Variants in DENND1B observed in about 807,000 individuals in gnomAD.
DENND1B encodes the protein DENN domain containing 1B.
Under a neutral mutation model 90.1 loss-of-function variants are expected in DENND1B, and 59 were observed. The observed-to-expected ratio is 0.65, with a 90% CI of 0.53 to 0.81. The LOEUF is 0.81. Among genes scored for constraint, DENND1B ranks in the 40% least tolerant of loss-of-function variants. The pLI, the probability that DENND1B is intolerant of heterozygous loss-of-function variation, is 0.00. For synonymous variants in DENND1B, 337 were observed against 324.6 expected (o/e 1.04, Z -0.41); for missense variants, 862 against 912.6 (o/e 0.94, Z 0.71).
chr1:197,521,598 G>A (rs1177096681), intron 20 of DENND1B, among the ~76,000 whole-genome samples: 1 of 151,796 alleles, frequency 6.6e-6, no homozygotes, highest in African/African-American at 2.4e-5. Context: ...CCAAGCTTAT[G>A]TATTTTGCAG....
At chr1:197,674,049 A>G in intron 4 of DENND1B, 71 bp downstream of exon 4, 1 of 1,068,216 alleles carries the variant, frequency 9.4e-7, no homozygotes, top group Non-Finnish European at 1.4e-6. Flanking sequence ...TTTATAAAAA[A>G]GCACATGTAA....
chr1:197,593,147 T>C (rs1208021394), intron 14 of DENND1B, among the ~76,000 whole-genome samples: 3 of 151,870 alleles, frequency 2.0e-5, no homozygotes, highest in Non-Finnish European at 4.4e-5. Context: ...TTTAATAAAT[T>C]ATGATACAAG....
chr1:197,724,363 T>C (rs189627963), intron 2 of DENND1B, among the ~76,000 whole-genome samples: 17 of 152,254 alleles, frequency 1.1e-4, no homozygotes, highest in Non-Finnish European at 2.2e-4. Context: ...ACAATAAAAG[T>C]AAATGTAGAA....
At chr1:197,639,951 G>A (rs972152723) in intron 10 of DENND1B, among the ~76,000 whole-genome samples, 5 of 152,012 alleles carry the variant, frequency 3.3e-5, no homozygotes, top group Non-Finnish European at 4.4e-5. Flanking sequence ...TCAGCCCAAC[G>A]GTCCCAGAGA....
intron 20 of DENND1B, among the ~76,000 whole-genome samples, chr1:197,519,784 C>T (rs1668644569): frequency 6.6e-6 from 1 of 151,780 alleles, no homozygotes; most frequent in South Asian, 2.1e-4. Context: ...GTGGGACAAT[C>T]AGGGCAAATA....
In DENND1B at chr1:197,572,173, C is replaced by T. The variant is rs372696619; in HGVS notation, c.1149+10979G>A. ...TTTCCCTTTCCTAGCCAAGGGAAAT[C>T]GTGACAGACTGTACCTGGAAAAACG... On this transcript the variant is annotated intron_variant, in intron 15 of 22. Transcript: ENST00000620048. Among the ~76,000 whole-genome samples the T allele has an allele frequency of 5.3e-5, 8 of 152,174 alleles. No individual in the cohort carries two copies. The East Asian group carries it at 9.7e-4, about 18-fold the overall frequency.
intron 3 of DENND1B, among the ~76,000 whole-genome samples, chr1:197,692,839 C>A (rs975442547): frequency 6.6e-6 from 1 of 151,712 alleles, no homozygotes; most frequent in East Asian, 1.9e-4. Flanking sequence ...AGATTCTTTT[C>A]TTTCCCTAAA....
intron 2 of DENND1B, among the ~76,000 whole-genome samples, chr1:197,733,420 C>T (rs1322012631): frequency 2.0e-5 from 3 of 152,162 alleles, no homozygotes; most frequent in Non-Finnish European, 4.4e-5. Flanking sequence ...AACACTTTTT[C>T]CCCCTTACCA....
At chr1:197,738,531 G>A (rs996735099) in intron 2 of DENND1B, among the ~76,000 whole-genome samples, 1 of 152,158 alleles carries the variant, frequency 6.6e-6, no homozygotes, top group Non-Finnish European at 1.5e-5. Flanking sequence ...AACACAACAT[G>A]GAAGATGCTG....
Position 197,507,468 on chromosome 1 carries a change from T to A in DENND1B, c.*2992A>T, listed in dbSNP as rs1472984473. The stretch of plus-strand genomic sequence containing the variant: ...TTCACTTAAAAAAATAGCTCCTAAA[T>A]TCCAATATTATTTCTCTATACCCCT... On this transcript the variant is annotated 3_prime_UTR_variant, in exon 23 of 23. Coordinates refer to ENST00000620048, the MANE Select transcript of DENND1B (RefSeq NM_001195215.2). The A allele has an allele frequency of 2.6e-5, 4 of 151,370 alleles. No individual in the cohort carries two copies. The highest frequency in any genetic ancestry group is 9.7e-5 in the African/African-American group (4 of 41,322). 9.4% of individuals were successfully genotyped at this position (151,370 alleles called of 1,614,324 possible).
chr1:197,555,788 C>A (rs113551227), intron 15 of DENND1B, among the ~76,000 whole-genome samples: 267 of 152,196 alleles, frequency 1.8e-3, no homozygotes, highest in Non-Finnish European at 2.8e-3. Context: ...CTGTGAAAAG[C>A]AGCTTGGACA....
chr1:197,709,879 G>A (rs551084655), intron 3 of DENND1B, among the ~76,000 whole-genome samples: 59 of 140,050 alleles, frequency 4.2e-4, no homozygotes, highest in African/African-American at 1.5e-3. Context: ...AAAGGATGGC[G>A]GAAGATCTAC....
At position 197,625,899 on chromosome 1, in the gene DENND1B, C is replaced by T. The variant is rs139690787; in HGVS notation, c.673-8140G>A. Among the ~76,000 whole-genome samples the T allele has an allele frequency of 5.7e-3, 864 of 152,142 alleles. 11 individuals are homozygous for T. The highest frequency in any genetic ancestry group is 0.019 in the African/African-American group (808 of 41,508). ...AGTCTCTGATAAAACATACTTTAAA[C>T]CAACAGAGATCAAAAGAGACAAAGA... On this transcript the variant is annotated intron_variant, in intron 10 of 22. Transcript: ENST00000620048.
Position 197,506,641 on chromosome 1 carries a change from T to C in DENND1B, c.*3819A>G, listed in dbSNP as rs1667744062. 1.3e-5 allele frequency: 2 copies of C among 151,524 alleles called. No individual in the cohort carries two copies. The highest frequency in any genetic ancestry group is 2.4e-5 in the African/African-American group (1 of 41,386). The allele number at this position is 151,524 out of a possible 1,614,324, so 9.4% of individuals were successfully genotyped here. A position where few individuals can be genotyped will look rare whatever the true frequency, so the allele number is the denominator to read the frequency against. ...CTCCTCTTGATCAGGAGTCTACTTG[T>C]TCACCTTAATTAAGAAACAATTCAT... On this transcript the variant is annotated 3_prime_UTR_variant, in exon 23 of 23. Coordinates refer to ENST00000620048, the MANE Select transcript of DENND1B (RefSeq NM_001195215.2).
intron 15 of DENND1B, among the ~76,000 whole-genome samples, chr1:197,558,811 C>T (rs1028547758): frequency 7.2e-5 from 11 of 151,738 alleles, no homozygotes; most frequent in African/African-American, 2.4e-4. Flanking sequence ...GACACTGAGT[C>T]AATTTAAAGA....
At chr1:197,585,382 T>C (rs1674611139) in intron 14 of DENND1B, among the ~76,000 whole-genome samples, 2 of 152,242 alleles carry the variant, frequency 1.3e-5, no homozygotes, top group Non-Finnish European at 2.9e-5. Context: ...TAACTTTAGT[T>C]TTTATGGGAT....
At chr1:197,717,008 T>C (rs1054988678) in intron 2 of DENND1B, among the ~76,000 whole-genome samples, 1 of 151,938 alleles carries the variant, frequency 6.6e-6, no homozygotes, top group Non-Finnish European at 1.5e-5. Flanking sequence ...ACTGCATCTA[T>C]TGGTTTAAGC....
chr1:197,665,339 T>TCCTA (rs762927133), intron 5 of DENND1B, among the ~76,000 whole-genome samples: 4 of 152,160 alleles, frequency 2.6e-5, no homozygotes, highest in Non-Finnish European at 5.9e-5. Context: ...TAATTTCAAG[T>TCCTA]CCTATAATAG....
chr1:197,762,512 C>G (rs1462848542), intron 2 of DENND1B, among the ~76,000 whole-genome samples: 1 of 152,128 alleles, frequency 6.6e-6, no homozygotes, highest in Non-Finnish European at 1.5e-5. Context: ...TATAGTGAAG[C>G]CAATTAACGC....
Sources: gnomAD v4.1 joint callset for allele counts (sites outside exome capture counted in the v4.1 genomes callset) on GRCh38, gnomAD v4.1.1 for gene constraint, MANE v1.5 for transcripts, NCBI Gene and HGNC (gene_info 2026-07-23, HGNC 2026-07-21) for gene names.